PCSK1N: variants seen among roughly 807,000 people sequenced by gnomAD.
The protein encoded by PCSK1N is proSAAS.
In PCSK1N, 8 loss-of-function variants were observed where a neutral mutation model predicts 10.6. That is an observed-to-expected ratio of 0.76 (90% CI 0.44 to 1.37). The LOEUF is 1.37. PCSK1N is among the 40% of genes most tolerant of loss of function. PCSK1N has a pLI of 0.00. For synonymous variants in PCSK1N, 143 were observed against 137.1 expected, an observed-to-expected ratio of 1.04 and a Z score of -0.30; for missense variants, 301 against 268.5, an observed-to-expected ratio of 1.12 and a Z score of -0.84.
At chrX:48,831,505 C>T in intron 2 of PCSK1N, 50 bp from the exon 3 acceptor site, 28 of 922,725 alleles carry the variant, frequency 3.0e-5, no homozygotes, top group Non-Finnish European at 3.8e-5. Context: ...GTGGGGCGTT[C>T]CCCCGCCCCA....
chrX:48,835,597 G>T lies in PCSK1N; in HGVS notation c.-65C>A. 1 of 437,462 alleles carries T rather than the reference G, an allele frequency of 2.3e-6. No homozygotes were observed. The highest frequency in any genetic ancestry group is 3.2e-6 in the Non-Finnish European group (1 of 310,253). 36.1% of individuals were successfully genotyped at this position (437,462 alleles called of 1,213,427 possible). The stretch of plus-strand genomic sequence containing the variant: ...TGGCAAGTGCGCAGTGCCGGGGCGA[G>T]CTGGCGAGGCTGCGGCGCTCTGCGG... On this transcript the variant is annotated 5_prime_UTR_variant, in exon 1 of 3. Coordinates refer to ENST00000218230, the MANE Select transcript of PCSK1N (RefSeq NM_013271.5).
At chrX:48,833,694 A>G (rs1282549619) in intron 1 of PCSK1N, among the ~76,000 whole-genome samples, 1 of 112,050 alleles carries the variant, frequency 8.9e-6, no homozygotes, top group Admixed American at 9.5e-5. Context: ...GTGAAAGATG[A>G]CAGCAGCACT....
rs1557033376 is a variant in PCSK1N, at chrX:48,831,429, C to T, written c.614G>A (p.Gly205Glu). The T allele has an allele frequency of 1.9e-6, 2 of 1,080,129 alleles. No individual in the cohort carries two copies. Among genetic ancestry groups the T allele is most frequent in the Non-Finnish European group, 2.4e-6 (2 of 837,993 alleles). 89.0% of individuals were successfully genotyped at this position (1,080,129 alleles called of 1,213,427 possible). ...TGCCACCCCCTCGGAGTCCGCGCTT[C>T]CCGCAAGAATCCGTCCCAGCAAGTA... is the stretch of plus-strand genomic sequence containing the variant. ...LRYLLGRILA[G>E]SADSEGVAAP... The change falls in exon 3 of 3, where the codon GGA (glycine) becomes GAA (glutamate). Residue 205 changes from glycine (G) to glutamate (E), a missense_variant. Transcript: ENST00000218230.
chrX:48,835,221 C>T (rs1557033990), intron 1 of PCSK1N, among the ~76,000 whole-genome samples, 198 bp downstream of exon 1: 1 of 113,244 alleles, frequency 8.8e-6, no homozygotes, highest in African/African-American at 3.2e-5. Flanking sequence ...CCCGCACAGG[C>T]AGAGACCAAG....
chrX:48,831,972 C>A lies in PCSK1N; in HGVS notation c.484G>T (p.Ala162Ser). ...ACCGGGGGCCGGGGTCGGAGCGCCG[C>A]GGCGGGGACGGGCGCGGGGACAAGC... Reference protein sequence around the residue: ...AQLVPAPVPAAALRPRPPVYD... With the variant: ...AQLVPAPVPASALRPRPPVYD... The change falls in exon 2 of 3, where the codon GCG (alanine) becomes TCG (serine). Residue 162 changes from alanine to serine, a missense_variant. Physicochemically the swap from Ala to Ser is moderately conservative, Grantham distance 99. Transcript: ENST00000218230. The A allele has an allele frequency of 9.4e-7, 1 of 1,065,501 alleles. No individual in the cohort carries two copies. 87.8% of individuals were successfully genotyped at this position (1,065,501 alleles called of 1,213,427 possible). A position where few individuals can be genotyped will look rare whatever the true frequency, so the allele number is the denominator to read the frequency against.
rs2063172211 is a variant in PCSK1N at position 48,831,416 on chromosome X, G to A, written c.627C>T (p.Ser209=). ...GGCGGCGCGGGGCTGCCACCCCCTC[G>A]GAGTCCGCGCTTCCCGCAAGAATCC... is the stretch of plus-strand genomic sequence containing the variant. The part of the protein sequence containing the change: ...LGRILAGSAD[S]EGVAAPRRLR... The change falls in exon 3 of 3, where the codon TCC becomes TCT. Residue 209 remains serine, a synonymous_variant. Coordinates refer to ENST00000218230, the MANE Select transcript of PCSK1N (RefSeq NM_013271.5). 20 of 1,085,408 alleles carry A rather than the reference G, an allele frequency of 1.8e-5. No individual in the cohort carries two copies. Among genetic ancestry groups the A allele is most frequent in the Non-Finnish European group, 2.3e-5 (19 of 840,323 alleles). 89.4% of individuals were successfully genotyped at this position (1,085,408 alleles called of 1,213,427 possible).
chrX:48,834,571 G>C, intron 1 of PCSK1N: 1 of 740,936 alleles, frequency 1.3e-6, no homozygotes, highest in African/African-American at 2.3e-5. Context: ...AGCCACCCAG[G>C]TGCAAGGACA....
In PCSK1N at chrX:48,831,879, C is replaced by T; in HGVS notation, c.577G>A (p.Glu193Lys). 2 of 1,077,963 alleles carry T rather than the reference C, an allele frequency of 1.9e-6. 1 individual carries two copies. The highest frequency in any genetic ancestry group is 4.7e-5 in the South Asian group (2 of 42,220). The allele number at this position is 1,077,963 out of a possible 1,213,427, so 88.8% of individuals were successfully genotyped here. Residue 193 changes from glutamate (E) to lysine (K), a missense_variant, in exon 2 of 3, where the codon GAG becomes AAG. Physicochemically the swap from Glu to Lys is moderately conservative, Grantham distance 56. Coordinates refer to ENST00000218230, the MANE Select transcript of PCSK1N (RefSeq NM_013271.5). ...CCCCCTGCCGGGCACCTCAACAGCT[C>T]GGGGTCCACGTCGGGTGTCTCGTCG... Reference protein sequence around the residue: ...AGDETPDVDPELLRYLLGRIL... With the variant: ...AGDETPDVDPKLLRYLLGRIL...
intron 1 of PCSK1N, among the ~76,000 whole-genome samples, chrX:48,833,718 T>G (rs1461194622): frequency 9.0e-6 from 1 of 111,545 alleles, no homozygotes; most frequent in African/African-American, 3.3e-5. Flanking sequence ...CGTAATAGCA[T>G]AAAAGGGCGG....
At position 48,835,601 on chromosome X, in the gene PCSK1N, G is replaced by C. The variant is rs1870299535; in HGVS notation, c.-69C>G. On this transcript the variant is annotated 5_prime_UTR_variant, in exon 1 of 3. Transcript: ENST00000218230. Reference sequence around the variant, plus strand: ...AAGTGCGCAGTGCCGGGGCGAGCTGGCGAGGCTGCGGCGCTCTGCGGCTGC... The same window carrying C: ...AAGTGCGCAGTGCCGGGGCGAGCTGCCGAGGCTGCGGCGCTCTGCGGCTGC... 1 of 430,359 alleles carries C rather than the reference G, an allele frequency of 2.3e-6. No individual in the cohort carries two copies. The allele number at this position is 430,359 out of a possible 1,213,427, so 35.5% of individuals were successfully genotyped here. A position where few individuals can be genotyped will look rare whatever the true frequency, so the allele number is the denominator to read the frequency against.
chrX:48,831,928 C>T lies in PCSK1N; in HGVS notation c.528G>A (p.Ala176=). 9.2e-7 allele frequency: 1 copy of T among 1,082,380 alleles called. No homozygotes were observed. The highest frequency in any genetic ancestry group is 1.2e-6 in the Non-Finnish European group (1 of 839,536). 89.2% of individuals were successfully genotyped at this position (1,082,380 alleles called of 1,213,427 possible). A position where few individuals can be genotyped will look rare whatever the true frequency, so the allele number is the denominator to read the frequency against. The part of the protein sequence containing the change: ...PRPPVYDDGP[A]GPDAEEAGDE... ...CGCCTGCCTCCTCAGCATCCGGGCC[C>T]GCGGGGCCGTCGTCGTAGACCGGGG... The change falls in exon 2 of 3, where the codon GCG becomes GCA. Residue 176 remains alanine (A), a synonymous_variant. Coordinates refer to ENST00000218230, the MANE Select transcript of PCSK1N (RefSeq NM_013271.5).
chrX:48,831,580 A>G (rs1451102806), intron 2 of PCSK1N, 125 bp from the exon 3 acceptor site: 3 of 536,677 alleles, frequency 5.6e-6, no homozygotes, highest in Non-Finnish European at 8.2e-6. Flanking sequence ...TCCCTCCCCA[A>G]GAAGGCGTCC....
chrX:48,832,014 C>T lies in PCSK1N; in HGVS notation c.442G>A (p.Ala148Thr), dbSNP rs1557033510. Residue 148 changes from alanine to threonine, a missense_variant, in exon 2 of 3, where the codon GCC becomes ACC. Ala to Thr is a moderately conservative substitution (Grantham distance 58, BLOSUM62 0). Coordinates refer to ENST00000218230, the MANE Select transcript of PCSK1N (RefSeq NM_013271.5). Reference protein sequence around the residue: ...RALLRARLDPAALAAQLVPAP... With the variant: ...RALLRARLDPTALAAQLVPAP... ...GGGACAAGCTGGGCTGCTAGGGCGGCAGGGTCAAGGCGGGCGCGGAGCAGA... is the reference window on the plus strand; with the variant it reads ...GGGACAAGCTGGGCTGCTAGGGCGGTAGGGTCAAGGCGGGCGCGGAGCAGA... The T allele has an allele frequency of 9.1e-7, 1 of 1,094,866 alleles. No individual in the cohort carries two copies. The highest frequency in any genetic ancestry group is 3.5e-5 in the Admixed American group (1 of 28,831). 90.2% of individuals were successfully genotyped at this position (1,094,866 alleles called of 1,213,427 possible). A position where few individuals can be genotyped will look rare whatever the true frequency, so the allele number is the denominator to read the frequency against.
intron 1 of PCSK1N, among the ~76,000 whole-genome samples, chrX:48,833,834 A>G (rs1304665480): frequency 8.9e-6 from 1 of 111,917 alleles, no homozygotes; most frequent in Non-Finnish European, 1.9e-5. Context: ...AGCAATAAAA[A>G]TAAATGAATT....
Position 48,835,419 on chromosome X carries a change from CT to C in PCSK1N, c.113del (p.Lys38ArgfsTer6), listed in dbSNP as rs1557034014. 1.1e-6 allele frequency: 1 copy of C among 910,425 alleles called. No individual in the cohort carries two copies. Among genetic ancestry groups the C allele is most frequent in the Non-Finnish European group, 1.4e-6 (1 of 727,329 alleles). 75.0% of individuals were successfully genotyped at this position (910,425 alleles called of 1,213,427 possible). On this transcript the variant is annotated frameshift_variant and splice_region_variant, in exon 1 of 3. Coordinates refer to ENST00000218230, the MANE Select transcript of PCSK1N (RefSeq NM_013271.5). LOFTEE classifies it high-confidence loss of function. Reference sequence around the variant, plus strand: ...ACCCCTCGCCGGACTGGGGTCGCACCTTTACCGGCCGCGCGCAGAGCGCGGG... The same window carrying C: ...ACCCCTCGCCGGACTGGGGTCGCACCTTACCGGCCGCGCGCAGAGCGCGGG... ...PPPALCARPV[K>X]EPRGLSAASP... is the part of the protein sequence containing the mutation.
At position 48,835,595 on chromosome X, in the gene PCSK1N, G is replaced by A; in HGVS notation, c.-63C>T. On this transcript the variant is annotated 5_prime_UTR_variant, in exon 1 of 3. Coordinates refer to ENST00000218230, the MANE Select transcript of PCSK1N (RefSeq NM_013271.5). ...GCTGGCAAGTGCGCAGTGCCGGGGC[G>A]AGCTGGCGAGGCTGCGGCGCTCTGC... 4.3e-6 allele frequency: 2 copies of A among 461,802 alleles called. No individual in the cohort carries two copies. The highest frequency in any genetic ancestry group is 1.2e-4 in the South Asian group (1 of 8,120). The allele number at this position is 461,802 out of a possible 1,213,427, so 38.1% of individuals were successfully genotyped here. A position where few individuals can be genotyped will look rare whatever the true frequency, so the allele number is the denominator to read the frequency against.
In PCSK1N at chrX:48,831,388, G is replaced by C. The variant is rs1386046316; in HGVS notation, c.655C>G (p.Arg219Gly). 16 of 1,107,475 alleles carry C rather than the reference G, an allele frequency of 1.4e-5. No homozygotes were observed. Among genetic ancestry groups the C allele is most frequent in the Admixed American group, 3.2e-5 (1 of 31,669 alleles). 91.3% of individuals were successfully genotyped at this position (1,107,475 alleles called of 1,213,427 possible). The change falls in exon 3 of 3, where the codon CGC (arginine) becomes GGC (glycine). Residue 219 changes from arginine (R) to glycine (G), a missense_variant. Coordinates refer to ENST00000218230, the MANE Select transcript of PCSK1N (RefSeq NM_013271.5). Reference protein sequence around the residue: ...SEGVAAPRRLRRAADHDVGSE... With the variant: ...SEGVAAPRRLGRAADHDVGSE... ...CCCACATCGTGGTCGGCGGCACGGC[G>C]GAGGCGGCGCGGGGCTGCCACCCCC...
intron 1 of PCSK1N, among the ~76,000 whole-genome samples, chrX:48,835,124 C>T (rs1031312470): frequency 8.9e-6 from 1 of 112,965 alleles, no homozygotes; most frequent in African/African-American, 3.2e-5. Flanking sequence ...TTTCTTAAAG[C>T]GCCTTAGTGC....
Position 48,831,147 on chromosome X carries a change from G to T in PCSK1N, c.*113C>A. 1 of 599,927 alleles carries T rather than the reference G, an allele frequency of 1.7e-6. No individual in the cohort carries two copies. The highest frequency in any genetic ancestry group is 2.5e-6 in the Non-Finnish European group (1 of 405,898). 49.4% of individuals were successfully genotyped at this position (599,927 alleles called of 1,213,427 possible). A position where few individuals can be genotyped will look rare whatever the true frequency, so the allele number is the denominator to read the frequency against. On this transcript the variant is annotated 3_prime_UTR_variant, in exon 3 of 3. Coordinates refer to ENST00000218230, the MANE Select transcript of PCSK1N (RefSeq NM_013271.5). ...CCAGGGGGTAGGGATCCTCGGGTGA[G>T]AGGGCTGGCTGGCCGGGGTAAGTTG...
Sources: gnomAD v4.1 joint callset for allele counts (sites outside exome capture counted in the v4.1 genomes callset) on GRCh38, gnomAD v4.1.1 for gene constraint, MANE v1.5 for transcripts, NCBI Gene and HGNC (gene_info 2026-07-23, HGNC 2026-07-21) for gene names.